ERICH3: variants seen among roughly 807,000 people sequenced by gnomAD.
ERICH3 encodes glutamate-rich protein 3.
ERICH3 carries 126 observed loss-of-function variants against 131.1 expected under a neutral mutation model. That is an observed-to-expected ratio of 0.96 (90% CI 0.83 to 1.11). ERICH3 has a LOEUF of 1.11. Among genes scored for constraint, ERICH3 ranks in the 50% most tolerant of loss-of-function variants. ERICH3 has a pLI of 0.00. For missense variants in ERICH3, 2,050 were observed against 1,810.7 expected (o/e 1.13, Z -2.40); for synonymous variants, 695 against 644.6 (o/e 1.08, Z -1.18).
intron 11 of ERICH3, among the ~76,000 whole-genome samples, chr1:74,598,403 G>A (rs1203671547): frequency 2.0e-5 from 3 of 151,758 alleles, no homozygotes; most frequent in Admixed American, 1.3e-4. Flanking sequence ...TTTGGATTAG[G>A]AGAAGGCTTT....
Position 74,630,767 on chromosome 1 carries a change from T to C in ERICH3, c.819+946A>G, listed in dbSNP as rs192661753. On this transcript the variant is annotated intron_variant, in intron 7 of 14. Coordinates refer to ENST00000326665, the MANE Select transcript of ERICH3 (RefSeq NM_001002912.5). The stretch of plus-strand genomic sequence containing the variant: ...AATCCAAATTAGAGAGAATGACAGA[T>C]AGTATGAGCTACCACCGACAGTGAA... Among the ~76,000 whole-genome samples the C allele has an allele frequency of 2.7e-4, 41 of 151,462 alleles. No homozygotes were observed. The East Asian group carries it at 4.9e-3, about 18-fold the overall frequency.
chr1:74,645,680 G>A (rs1646476925), intron 3 of ERICH3, among the ~76,000 whole-genome samples: 1 of 151,902 alleles, frequency 6.6e-6, no homozygotes, highest in South Asian at 2.1e-4. Context: ...AAAAATTACA[G>A]CTAATACTTT....
At chr1:74,652,488 T>C (rs730645) in intron 1 of ERICH3, among the ~76,000 whole-genome samples, 29,116 of 152,020 alleles carry the variant, frequency 0.19, 3,058 homozygotes, top group South Asian at 0.3. Flanking sequence ...AGAGCTTTTC[T>C]GAAATTCCAC....
At chr1:74,570,991 T>A in intron 14 of ERICH3, 108 bp downstream of exon 14, 1 of 1,362,176 alleles carries the variant, frequency 7.3e-7, no homozygotes. Flanking sequence ...GAAGCCTGTG[T>A]GTTTATATGT....
intron 10 of ERICH3, among the ~76,000 whole-genome samples, chr1:74,603,145 T>C (rs921027318): frequency 3.2e-4 from 49 of 151,780 alleles, no homozygotes; most frequent in African/African-American, 1.2e-3. Context: ...CCCCAACCCA[T>C]GGTTATTGTG....
At chr1:74,607,081 T>C (rs1570859522) in intron 9 of ERICH3, among the ~76,000 whole-genome samples, 179 bp from the exon 10 acceptor site, 3 of 152,040 alleles carry the variant, frequency 2.0e-5, no homozygotes, top group South Asian at 4.1e-4. Flanking sequence ...TAAACTATTC[T>C]TTTTTGATAC....
intron 12 of ERICH3, chr1:74,577,655 A>C (rs1228329509): frequency 6.6e-6 from 1 of 152,240 alleles, no homozygotes; most frequent in East Asian, 1.9e-4. Context: ...GATTTCAAAA[A>C]GAAAACACAA....
At chr1:74,639,498 A>C (rs1646419300) in intron 5 of ERICH3, among the ~76,000 whole-genome samples, 1 of 152,178 alleles carries the variant, frequency 6.6e-6, no homozygotes, top group Admixed American at 6.6e-5. Context: ...TATATTTTAA[A>C]TTGTGTGTAA....
intron 12 of ERICH3, among the ~76,000 whole-genome samples, chr1:74,581,206 CTTCTA>C (rs1320913055): frequency 6.6e-6 from 1 of 152,088 alleles, no homozygotes; most frequent in African/African-American, 2.4e-5. Context: ...CATCTTTAGT[CTTCTA>C]TTCAAATAGT....
chr1:74,584,614 T>G (rs1358009422), intron 12 of ERICH3, among the ~76,000 whole-genome samples: 1 of 152,162 alleles, frequency 6.6e-6, no homozygotes, highest in African/African-American at 2.4e-5. Flanking sequence ...CCAAAAATAC[T>G]ACCCCTTCCT....
chr1:74,590,108 T>C (rs1409516384), intron 11 of ERICH3, 28 bp from the exon 12 acceptor site: 3 of 1,510,094 alleles, frequency 2.0e-6, no homozygotes, highest in African/African-American at 1.4e-5. Flanking sequence ...GATGACATTG[T>C]TGTTGTTCTG....
intron 8 of ERICH3, among the ~76,000 whole-genome samples, chr1:74,616,839 C>T (rs1011048343): frequency 1.3e-5 from 2 of 152,090 alleles, no homozygotes; most frequent in African/African-American, 4.8e-5. Context: ...ATTGAAGTGA[C>T]GGAACCACAG....
intron 11 of ERICH3, chr1:74,592,102 G>A (rs1456334314): frequency 6.6e-6 from 1 of 152,102 alleles, no homozygotes; most frequent in African/African-American, 2.4e-5. Flanking sequence ...AAAGATTTGA[G>A]AGATGCTACA....
At position 74,572,084 on chromosome 1, in the gene ERICH3, C is replaced by T. The variant is rs1265578555; in HGVS notation, c.3626G>A (p.Arg1209His). The change falls in exon 14 of 15, where the codon CGC becomes CAC. Residue 1209 changes from arginine to histidine, a missense_variant. Coordinates refer to ENST00000326665, the MANE Select transcript of ERICH3 (RefSeq NM_001002912.5). ...RENRALKEGH[R>H]QDGEGALAAP... ...TGCTAAGGCCCCCTCTCCATCTTGGCGGTGCCCTTCCTTCAGGGCCCTATT... is the reference window on the plus strand; with the variant it reads ...TGCTAAGGCCCCCTCTCCATCTTGGTGGTGCCCTTCCTTCAGGGCCCTATT... 6.2e-7 allele frequency: 1 copy of T among 1,614,218 alleles called. No homozygotes were observed. Among genetic ancestry groups the T allele is most frequent in the East Asian group, 2.2e-5 (1 of 44,882 alleles).
At position 74,576,995 on chromosome 1, in the gene ERICH3, T is replaced by A; in HGVS notation, c.2177-59A>T. On this transcript the variant is annotated intron_variant, in intron 12 of 14. Coordinates refer to ENST00000326665, the MANE Select transcript of ERICH3 (RefSeq NM_001002912.5). ...AAATGAATCACTGTGAAATGTACCA[T>A]GGTTCTCCATCTCTCCAGTTGGGTC... 8 of 1,479,014 alleles carry A rather than the reference T, an allele frequency of 5.4e-6. No individual in the cohort carries two copies. The South Asian group carries it at 1.0e-4, about 19-fold the overall frequency. 91.6% of individuals were successfully genotyped at this position (1,479,014 alleles called of 1,614,324 possible). A position where few individuals can be genotyped will look rare whatever the true frequency, so the allele number is the denominator to read the frequency against.
chr1:74,595,634 A>C (rs1414368196), intron 11 of ERICH3, among the ~76,000 whole-genome samples: 2 of 152,104 alleles, frequency 1.3e-5, no homozygotes, highest in Non-Finnish European at 2.9e-5. Flanking sequence ...TGATCTATTC[A>C]ATCAGCCCTT....
rs899773448 is a variant in ERICH3 at position 74,609,681 on chromosome 1, C to T, written c.1188-2779G>A. On this transcript the variant is annotated intron_variant, in intron 9 of 14. Transcript: ENST00000326665. ...AACAGGGAGACATCCAATGACAATG[C>T]ACTGTTCTATTCTGGGCATTCACAG... Among the ~76,000 whole-genome samples the T allele has an allele frequency of 3.0e-4, 46 of 152,136 alleles. 1 individual carries two copies. The highest frequency in any genetic ancestry group is 1.7e-3 in the Admixed American group (26 of 15,262).
intron 13 of ERICH3, among the ~76,000 whole-genome samples, chr1:74,575,874 G>A (rs1256795779): frequency 2.6e-5 from 4 of 152,070 alleles, no homozygotes; most frequent in East Asian, 1.9e-4. Context: ...CTCAAGCAAG[G>A]GAGAAAGAGT....
At chr1:74,660,609 A>G (rs922651007) in intron 1 of ERICH3, among the ~76,000 whole-genome samples, 4 of 148,716 alleles carry the variant, frequency 2.7e-5, no homozygotes, top group African/African-American at 9.8e-5. Context: ...ATATATATAT[A>G]TATATAGTGT....
Sources: allele counts gnomAD v4.1 joint callset (sites outside exome capture counted in the v4.1 genomes callset), GRCh38; gene constraint gnomAD v4.1.1; transcripts MANE v1.5; gene names NCBI Gene and HGNC (gene_info 2026-07-23, HGNC 2026-07-21).